Variants in ZNF529 observed in about 807,000 individuals in gnomAD.
The protein encoded by ZNF529 is zinc finger protein 529.
In ZNF529, 11 loss-of-function variants were observed where a neutral mutation model predicts 10.1. The observed-to-expected ratio is 1.09, with a 90% CI of 0.69 to 1.81. The LOEUF (loss-of-function observed/expected upper bound fraction) is 1.81. Ranked by LOEUF, ZNF529 falls within the 40% of genes most tolerant of loss-of-function variation. ZNF529 has a pLI of 0.00. For synonymous variants in ZNF529, 204 were observed against 215.7 expected (o/e 0.95, Z 0.47); for missense variants, 624 against 666.8 (o/e 0.94, Z 0.71).
intron 1 of ZNF529, among the ~76,000 whole-genome samples, chr19:36,591,297 C>CA (rs66878050): frequency 0.058 from 4,228 of 72,546 alleles, 93 homozygotes; most frequent in Admixed American, 0.13. Context: ...GACTCCGTCT[C>CA]AAAAAAAAAA....
rs535394017 is a variant in ZNF529 at position 36,549,259 on chromosome 19, T to G, written c.236-937A>C. 1.8e-4 allele frequency among the ~76,000 whole-genome samples: 28 copies of G among 152,290 alleles called. No homozygotes were observed. In the South Asian group the frequency reaches 5.8e-3, roughly 32 times the overall value. On this transcript the variant is annotated intron_variant, in intron 4 of 4. Transcript: ENST00000591340. ...CCCTCATATATATTTTTTTCAGTTG[T>G]GTATTCAATACTTTTCTCTTACACC...
chr19:36,604,548 TTA>T (rs1027058507), intron 1 of ZNF529, among the ~76,000 whole-genome samples: 5 of 152,034 alleles, frequency 3.3e-5, no homozygotes, highest in African/African-American at 1.2e-4. Flanking sequence ...CCACTGTGTA[TTA>T]TGCATTATGA....
At position 36,572,372 on chromosome 19, in the gene ZNF529, A is replaced by AG; in HGVS notation, c.-27dup. The AG allele has an allele frequency of 6.4e-7, 1 of 1,551,322 alleles. No homozygotes were observed. The highest frequency in any genetic ancestry group is 8.7e-7 in the Non-Finnish European group (1 of 1,146,914). ...TAGTACCAATGCTGTCTTCCACTTCAGGGGGCCTTCACTTGCAGAACTACA... is the reference window on the plus strand; with the variant it reads ...TAGTACCAATGCTGTCTTCCACTTCAGGGGGGCCTTCACTTGCAGAACTACA... On this transcript the variant is annotated 5_prime_UTR_variant, in exon 2 of 5. Coordinates refer to ENST00000591340, the MANE Select transcript of ZNF529 (RefSeq NM_020951.5).
chr19:36,555,921 A>G (rs1315279746), intron 3 of ZNF529, among the ~76,000 whole-genome samples, 183 bp downstream of exon 3: 1 of 152,196 alleles, frequency 6.6e-6, no homozygotes, highest in Non-Finnish European at 1.5e-5. Context: ...CTGAACACAT[A>G]GGAGTGTTGA....
chr19:36,578,296 T>C (rs1476141316), intron 2 of ZNF529, among the ~76,000 whole-genome samples: 2 of 35,962 alleles, frequency 5.6e-5, no homozygotes, highest in South Asian at 8.5e-4. Context: ...GATCTCTTTT[T>C]TTTTTTTTTT....
At chr19:36,592,046 G>A (rs1223763054) in intron 1 of ZNF529, among the ~76,000 whole-genome samples, 1 of 151,864 alleles carries the variant, frequency 6.6e-6, no homozygotes, top group Non-Finnish European at 1.5e-5. Flanking sequence ...GGCCATAGCG[G>A]GTGGATCACT....
intron 2 of ZNF529, among the ~76,000 whole-genome samples, chr19:36,569,866 G>A (rs1480816770): frequency 6.6e-6 from 1 of 152,222 alleles, no homozygotes; most frequent in African/African-American, 2.4e-5. Flanking sequence ...GCTCCTGGGA[G>A]ATAATCTCTG....
intron 2 of ZNF529, among the ~76,000 whole-genome samples, chr19:36,556,602 C>T (rs1440983911): frequency 1.3e-5 from 2 of 152,350 alleles, no homozygotes; most frequent in Non-Finnish European, 1.5e-5. Context: ...TACTGCTGAG[C>T]ATACTGAGGT....
intron 1 of ZNF529, among the ~76,000 whole-genome samples, chr19:36,604,517 A>G (rs961848096): frequency 1.3e-5 from 2 of 152,176 alleles, no homozygotes; most frequent in Non-Finnish European, 2.9e-5. Context: ...AATTGGCCCC[A>G]GAGGTTGGCG....
intron 1 of ZNF529, among the ~76,000 whole-genome samples, chr19:36,599,432 A>T (rs1027005583): frequency 2.0e-5 from 3 of 152,346 alleles, no homozygotes; most frequent in Non-Finnish European, 4.4e-5. Flanking sequence ...CACACATGGA[A>T]GTCTAACAAA....
At chr19:36,587,763 C>T (rs2036613636) in intron 2 of ZNF529, among the ~76,000 whole-genome samples, 2 of 152,170 alleles carry the variant, frequency 1.3e-5, no homozygotes, top group Admixed American at 6.6e-5. Context: ...GAAGGATTTA[C>T]ATACTGCATG....
At chr19:36,570,087 G>A (rs1340485389) in intron 2 of ZNF529, among the ~76,000 whole-genome samples, 1 of 152,112 alleles carries the variant, frequency 6.6e-6, no homozygotes, top group Non-Finnish European at 1.5e-5. Context: ...ATGGGCCAGG[G>A]CAGTAGCTCA....
intron 3 of ZNF529, 78 bp from the exon 4 acceptor site, chr19:36,554,874 T>C: frequency 4.5e-6 from 6 of 1,341,286 alleles, no homozygotes; most frequent in Non-Finnish European, 4.9e-6. Flanking sequence ...AATTGCCTTA[T>C]AGCAAGGGGA....
chr19:36,588,190 A>G (rs1381793787), intron 2 of ZNF529, among the ~76,000 whole-genome samples: 1 of 152,218 alleles, frequency 6.6e-6, no homozygotes, highest in Non-Finnish European at 1.5e-5. Context: ...CTCTGTGAAT[A>G]TACAAAAATC....
chr19:36,573,014 G>A (rs1360092916), intron 1 of ZNF529, 126 bp downstream of exon 1: 1 of 165,422 alleles, frequency 6.0e-6, no homozygotes, highest in Non-Finnish European at 1.3e-5. Flanking sequence ...GTAGACCAGG[G>A]TCACACGATA....
chr19:36,595,677 C>T (rs867128401), intron 1 of ZNF529, among the ~76,000 whole-genome samples: 2 of 152,016 alleles, frequency 1.3e-5, no homozygotes, highest in African/African-American at 4.8e-5. Context: ...CCAGCCTGGA[C>T]GACAGAGCAA....
chr19:36,565,404 T>C (rs985401929), intron 2 of ZNF529, among the ~76,000 whole-genome samples: 1 of 152,050 alleles, frequency 6.6e-6, no homozygotes, highest in Non-Finnish European at 1.5e-5. Flanking sequence ...CAAAGCCATA[T>C]ACAAAAATGA....
Position 36,548,063 on chromosome 19 carries a change from A to G in ZNF529, c.495T>C (p.His165=). ...TGTATTCATAGGGCTTCTCACTGTC[A>G]TGAGTTCTCCGAGGTAAAGTAAGAG... ...HESLTLPRRT[H]DSEKPYEYKE... is the part of the protein sequence containing the mutation. Residue 165 remains histidine, a synonymous_variant, in exon 5 of 5, where the codon CAT becomes CAC. Coordinates refer to ENST00000591340, the MANE Select transcript of ZNF529 (RefSeq NM_020951.5). 6.2e-7 allele frequency: 1 copy of G among 1,613,928 alleles called. No homozygotes were observed. Among genetic ancestry groups the G allele is most frequent in the Non-Finnish European group, 8.5e-7 (1 of 1,179,860 alleles).
At chr19:36,601,304 C>G (rs1409283533) in intron 1 of ZNF529, among the ~76,000 whole-genome samples, 4 of 151,856 alleles carry the variant, frequency 2.6e-5, no homozygotes, top group South Asian at 2.1e-4. Context: ...TGGAGTTTCA[C>G]CATGTTAGCC....
Sources: gnomAD v4.1 joint callset for allele counts (sites outside exome capture counted in the v4.1 genomes callset) on GRCh38, gnomAD v4.1.1 for gene constraint, MANE v1.5 for transcripts, NCBI Gene and HGNC (gene_info 2026-07-23, HGNC 2026-07-21) for gene names.